The following GREB1L variants were observed in gnomAD, a reference collection of about 807,000 sequenced individuals.
The protein encoded by GREB1L is GREB1-like protein.
In GREB1L, 17 loss-of-function variants were observed where a neutral mutation model predicts 200.8. The ratio of observed to expected loss-of-function variants is 0.08; its 90% CI spans 0.06 to 0.13. GREB1L has a LOEUF of 0.13. Ranked by LOEUF, GREB1L falls within the 10% of genes least tolerant of loss-of-function variation. GREB1L has a pLI of 1.00. For synonymous variants in GREB1L, 789 were observed against 893.0 expected (o/e 0.88, Z 2.08); for missense variants, 1,657 against 2,367.7 (o/e 0.70, Z 6.23).
chr18:21,277,335 T>C (rs535893933), intron 1 of GREB1L, among the ~76,000 whole-genome samples: 1 of 152,336 alleles, frequency 6.6e-6, no homozygotes, highest in East Asian at 1.9e-4. Flanking sequence ...CAGGTTGCCA[T>C]GCTAGGGGTA....
chr18:21,273,322 C>T (rs2038108856), intron 1 of GREB1L, among the ~76,000 whole-genome samples: 2 of 152,106 alleles, frequency 1.3e-5, no homozygotes, highest in Admixed American at 1.3e-4. Flanking sequence ...AATATTTTGT[C>T]ACATCTAGTT....
chr18:21,340,196 T>A (rs2039247364), intron 1 of GREB1L, among the ~76,000 whole-genome samples: 1 of 152,060 alleles, frequency 6.6e-6, no homozygotes, highest in Admixed American at 6.5e-5. Flanking sequence ...GGCGGGCAGA[T>A]CATAAGGTCA....
At chr18:21,448,942 G>A (rs573231796) in intron 11 of GREB1L, among the ~76,000 whole-genome samples, 9 of 152,258 alleles carry the variant, frequency 5.9e-5, no homozygotes, top group African/African-American at 9.6e-5. Context: ...TCATGAAAGC[G>A]TTCTCTATCT....
chr18:21,473,981 G>A (rs1328161083), intron 16 of GREB1L, among the ~76,000 whole-genome samples: 4 of 152,066 alleles, frequency 2.6e-5, no homozygotes, highest in Admixed American at 2.0e-4. Context: ...AGAACAACAC[G>A]GGAAAGACCC....
Position 21,384,314 on chromosome 18 carries a change from A to G in GREB1L, c.266A>G (p.Asp89Gly). 6.4e-7 allele frequency: 1 copy of G among 1,551,472 alleles called. No individual in the cohort carries two copies. Among genetic ancestry groups the G allele is most frequent in the African/African-American group, 1.4e-5 (1 of 73,176 alleles). ...NNLTVNEMED[D>G]EDDEEMSDSN... is the part of the protein sequence containing the mutation. Reference sequence around the variant, plus strand: ...CTAACAGTTAATGAAATGGAAGATGATGAAGACGATGAAGAAATGTCTGAT... The same window carrying G: ...CTAACAGTTAATGAAATGGAAGATGGTGAAGACGATGAAGAAATGTCTGAT... The change falls in exon 4 of 33, where the codon GAT becomes GGT. Residue 89 changes from aspartate (D) to glycine (G), a missense_variant. Transcript: ENST00000424526.
At chr18:21,471,620 CTTTTTTTT>C (rs77038675) in intron 15 of GREB1L, among the ~76,000 whole-genome samples, 25 of 142,388 alleles carry the variant, frequency 1.8e-4, no homozygotes, top group African/African-American at 7.3e-4. Flanking sequence ...TCTTTTGTTT[CTTTTTTTT>C]TTTTTTTTTT....
intron 1 of GREB1L, among the ~76,000 whole-genome samples, chr18:21,324,780 A>C (rs2144958681): frequency 6.6e-6 from 1 of 152,376 alleles, no homozygotes; most frequent in Middle Eastern, 3.4e-3. Context: ...ACTGCACTCC[A>C]GCCTGGGCGA....
chr18:21,367,211 G>A (rs375826583), intron 2 of GREB1L, among the ~76,000 whole-genome samples: 17 of 152,126 alleles, frequency 1.1e-4, no homozygotes, highest in African/African-American at 3.6e-4. Flanking sequence ...TTGTGAAAAG[G>A]TTTTATGAGT....
intron 23 of GREB1L, among the ~76,000 whole-genome samples, chr18:21,501,628 A>G (rs1265085757): frequency 6.6e-6 from 1 of 152,198 alleles, no homozygotes; most frequent in Non-Finnish European, 1.5e-5. Context: ...AATTGCCTAG[A>G]TGGTTAACTA....
At chr18:21,463,031 G>A (rs1458457659) in intron 15 of GREB1L, among the ~76,000 whole-genome samples, 1 of 148,670 alleles carries the variant, frequency 6.7e-6, no homozygotes, top group African/African-American at 2.5e-5. Flanking sequence ...AAGAAATCTT[G>A]AATTTGAATT....
At chr18:21,487,373 C>T (rs2036166077) in intron 18 of GREB1L, among the ~76,000 whole-genome samples, 1 of 152,182 alleles carries the variant, frequency 6.6e-6, no homozygotes, top group African/African-American at 2.4e-5. Flanking sequence ...TGCCAGATAT[C>T]AAAGTTACCA....
intron 7 of GREB1L, among the ~76,000 whole-genome samples, chr18:21,418,674 C>T (rs775385560): frequency 1.3e-5 from 2 of 152,042 alleles, no homozygotes; most frequent in Non-Finnish European, 2.9e-5. Flanking sequence ...AGGTGCCTGC[C>T]ACCACGCCCA....
chr18:21,506,120 C>T (rs548452033), intron 25 of GREB1L, among the ~76,000 whole-genome samples, 171 bp downstream of exon 25: 13 of 152,102 alleles, frequency 8.5e-5, no homozygotes, highest in African/African-American at 2.2e-4. Context: ...GAAGGCTGGG[C>T]GCGGTGGCTC....
intron 1 of GREB1L, among the ~76,000 whole-genome samples, chr18:21,314,724 G>A (rs1451850551): frequency 6.6e-6 from 1 of 152,222 alleles, no homozygotes; most frequent in East Asian, 1.9e-4. Flanking sequence ...CCGTGTTGCA[G>A]TTACTTAACT....
chr18:21,282,102 A>G (rs2038279233), intron 1 of GREB1L, among the ~76,000 whole-genome samples: 1 of 151,982 alleles, frequency 6.6e-6, no homozygotes, highest in Non-Finnish European at 1.5e-5. Flanking sequence ...GTGACACCCC[A>G]CATTTACGAA....
chr18:21,390,135 G>A (rs1438032208), intron 4 of GREB1L, among the ~76,000 whole-genome samples: 1 of 152,098 alleles, frequency 6.6e-6, no homozygotes, highest in Non-Finnish European at 1.5e-5. Flanking sequence ...ATGTGTTTGT[G>A]GTGATGCTGA....
intron 23 of GREB1L, among the ~76,000 whole-genome samples, chr18:21,501,650 G>A (rs989112219): frequency 7.9e-5 from 12 of 152,144 alleles, no homozygotes; most frequent in Admixed American, 4.6e-4. Flanking sequence ...TGTAAAATTC[G>A]AGTTGTAGTA....
rs35758360 is a variant in GREB1L, at chr18:21,493,865, C to CAA, written c.3031-1778_3031-1777dup. Among the ~76,000 whole-genome samples the CAA allele has an allele frequency of 1.7e-3, 65 of 38,508 alleles. 22 individuals carry two copies. The highest frequency in any genetic ancestry group is 6.6e-3 in the African/African-American group (53 of 8,034). The allele number at this position is 38,508 out of a possible 152,430, so 25.3% of individuals were successfully genotyped here. A position where few individuals can be genotyped will look rare whatever the true frequency, so the allele number is the denominator to read the frequency against. ...TGGGTGACAGAGTGAGACCCTGTCT[C>CAA]AAAAAAAAAAAAAAAAAAAAAAAAA... is the stretch of plus-strand genomic sequence containing the variant. On this transcript the variant is annotated intron_variant, in intron 19 of 32. Transcript: ENST00000424526.
chr18:21,257,004 CAAA>C (rs747739158), intron 1 of GREB1L, among the ~76,000 whole-genome samples: 4 of 62,114 alleles, frequency 6.4e-5, no homozygotes, highest in Non-Finnish European at 6.8e-5. Context: ...GACTCCGTCT[CAAA>C]AAAAAAAAAA....
Sources: allele counts gnomAD v4.1 joint callset (sites outside exome capture counted in the v4.1 genomes callset), GRCh38; gene constraint gnomAD v4.1.1; transcripts MANE v1.5; gene names NCBI Gene and HGNC (gene_info 2026-07-23, HGNC 2026-07-21).